VPS13B: variants seen among roughly 807,000 people sequenced by gnomAD.
VPS13B encodes the protein intermembrane lipid transfer protein VPS13B.
VPS13B carries 285 observed loss-of-function variants against 426.4 expected under a neutral mutation model. That is an observed-to-expected ratio of 0.67 (90% confidence interval 0.61 to 0.74). The LOEUF (loss-of-function observed/expected upper bound fraction) is 0.74, where lower values mean the gene tolerates loss of function less well. Ranked by LOEUF, VPS13B falls within the 30% of genes least tolerant of loss-of-function variation. The pLI, the probability that VPS13B is intolerant of heterozygous loss-of-function variation, is 0.00. For missense variants in VPS13B, 4,537 were observed against 4,782.6 expected (o/e 0.95, Z 1.51); for synonymous variants, 1,676 against 1,676.4 (o/e 1.00, Z 0.01).
rs1370249030 is a variant in VPS13B at position 99,812,790 on chromosome 8, A to G, written c.8097+3260A>G. The stretch of plus-strand genomic sequence containing the variant: ...ACATACTTTTAATCATGTTTAAGAT[A>G]TCGTTTTCCAGTGCATCTGGTGCTC... On this transcript the variant is annotated intron_variant, in intron 44 of 61. Transcript: ENST00000357162. Among the ~76,000 whole-genome samples, 25 of 152,236 alleles carry G rather than the reference A, an allele frequency of 1.6e-4. 1 individual carries two copies. Among genetic ancestry groups the G allele is most frequent in the Non-Finnish European group, 3.7e-4 (25 of 68,036 alleles).
intron 16 of VPS13B, among the ~76,000 whole-genome samples, chr8:99,190,920 G>A (rs1340087449): frequency 1.3e-5 from 2 of 150,994 alleles, no homozygotes; most frequent in African/African-American, 2.4e-5. Context: ...TTTCCATCTG[G>A]TATCACATTC....
chr8:99,641,985 C>A lies in VPS13B; in HGVS notation c.5395C>A (p.Arg1799Ser), dbSNP rs751912986. 6.2e-7 allele frequency: 1 copy of A among 1,613,974 alleles called. No individual in the cohort carries two copies. The highest frequency in any genetic ancestry group is 1.7e-5 in the Admixed American group (1 of 59,976). Residue 1799 changes from arginine to serine, a missense_variant, in exon 34 of 62, where the codon CGC becomes AGC. This residue lies in a region of VPS13B where 4,311 missense variants were observed against 4,474.3 expected (regional missense o/e 0.96). Coordinates refer to ENST00000357162, the MANE Select transcript of VPS13B (RefSeq NM_152564.5). ...TCAGCATCGCATTGCCCGTCCCTCACGCCAGTCATCAATTGTAAAAAATCT... is the reference window on the plus strand; with the variant it reads ...TCAGCATCGCATTGCCCGTCCCTCAAGCCAGTCATCAATTGTAAAAAATCT... ...ASQHRIARPS[R>S]QSSIVKNLNF...
intron 54 of VPS13B, among the ~76,000 whole-genome samples, chr8:99,846,360 C>A (rs1050271197): frequency 2.6e-5 from 4 of 152,216 alleles, no homozygotes; most frequent in Non-Finnish European, 5.9e-5. Flanking sequence ...AGGATTGCAT[C>A]TTCTCTGTGC....
At chr8:99,181,131 A>G (rs146167325) in intron 16 of VPS13B, among the ~76,000 whole-genome samples, 1 of 152,312 alleles carries the variant, frequency 6.6e-6, no homozygotes, top group African/African-American at 2.4e-5. Context: ...AAATGTAAAT[A>G]GCAAATAATG....
At chr8:99,487,526 G>A (rs550299992) in intron 25 of VPS13B, among the ~76,000 whole-genome samples, 5 of 152,056 alleles carry the variant, frequency 3.3e-5, no homozygotes, top group South Asian at 2.1e-4. Flanking sequence ...CTCACAGTGC[G>A]TAGCATAACC....
chr8:99,102,897 A>G lies in VPS13B; in HGVS notation c.413-56A>G, dbSNP rs1846834982. The stretch of plus-strand genomic sequence containing the variant: ...ATTAAGTTCAATAACACTTTAAGAA[A>G]TAATTATTTACTGAGAGATTTGTGG... On this transcript the variant is annotated intron_variant, in intron 4 of 61. Transcript: ENST00000357162. 2.1e-6 allele frequency: 3 copies of G among 1,452,932 alleles called. No individual in the cohort carries two copies. In the South Asian group the frequency reaches 3.5e-5, roughly 17 times the overall value. 90.0% of individuals were successfully genotyped at this position (1,452,932 alleles called of 1,614,324 possible).
At chr8:99,068,716 G>A (rs190709920) in intron 3 of VPS13B, among the ~76,000 whole-genome samples, 1 of 152,204 alleles carries the variant, frequency 6.6e-6, no homozygotes, top group African/African-American at 2.4e-5. Flanking sequence ...CAGCAGGGGT[G>A]GGGGGAATGC....
rs183300033 is a variant in VPS13B at position 99,746,315 on chromosome 8, A to C, written c.7051-20459A>C. On this transcript the variant is annotated intron_variant, in intron 39 of 61. Coordinates refer to ENST00000357162, the MANE Select transcript of VPS13B (RefSeq NM_152564.5). ...GATGTCTGCTTATTTCACTTTTAGC[A>C]ATGTTAAAATTGATCAGGTAGTATT... 6.3e-3 allele frequency among the ~76,000 whole-genome samples: 964 copies of C among 152,208 alleles called. 8 individuals carry two copies. The highest frequency in any genetic ancestry group is 0.022 in the African/African-American group (906 of 41,540).
chr8:99,575,570 G>A, intron 31 of VPS13B, 88 bp from the exon 32 acceptor site: 2 of 1,537,794 alleles, frequency 1.3e-6, no homozygotes, highest in Non-Finnish European at 1.8e-6. Flanking sequence ...TGCCATACAT[G>A]TTTGTAGTAC....
chr8:99,403,431 C>T (rs965346089), intron 21 of VPS13B, among the ~76,000 whole-genome samples: 8 of 151,920 alleles, frequency 5.3e-5, no homozygotes, highest in African/African-American at 1.9e-4. Flanking sequence ...TGCCTGTAGT[C>T]CCAGCTAATC....
At chr8:99,354,980 G>A (rs922699291) in intron 19 of VPS13B, among the ~76,000 whole-genome samples, 1 of 152,168 alleles carries the variant, frequency 6.6e-6, no homozygotes, top group Non-Finnish European at 1.5e-5. Context: ...ATGGGAGAAA[G>A]GGAGTTGGAG....
At chr8:99,418,495 CTTTCT>C (rs1816175202) in intron 21 of VPS13B, among the ~76,000 whole-genome samples, 1 of 143,154 alleles carries the variant, frequency 7.0e-6, no homozygotes, top group African/African-American at 2.7e-5. Flanking sequence ...TTCTTTCTTT[CTTTCT>C]TTCTTTCTTT....
intron 33 of VPS13B, among the ~76,000 whole-genome samples, chr8:99,605,945 G>C (rs1487958646): frequency 6.6e-6 from 1 of 152,172 alleles, no homozygotes; most frequent in Non-Finnish European, 1.5e-5. Flanking sequence ...ACCCAGGCTA[G>C]AGTGCAGTGG....
chr8:99,145,028 A>G (rs1053382529), intron 13 of VPS13B, among the ~76,000 whole-genome samples: 4 of 152,180 alleles, frequency 2.6e-5, no homozygotes, highest in Admixed American at 6.5e-5. Context: ...TATGTAGACA[A>G]GTGCAAGAGC....
intron 5 of VPS13B, among the ~76,000 whole-genome samples, chr8:99,109,969 T>G (rs1464953809): frequency 1.3e-5 from 2 of 152,130 alleles, no homozygotes; most frequent in Non-Finnish European, 2.9e-5. Flanking sequence ...TTTTCTCATT[T>G]CTGGTCCTAC....
At chr8:99,138,649 A>G (rs1254361749) in intron 12 of VPS13B, among the ~76,000 whole-genome samples, 1 of 152,250 alleles carries the variant, frequency 6.6e-6, no homozygotes, top group African/African-American at 2.4e-5. Flanking sequence ...TTGGAGGAAA[A>G]GATGAGTTTT....
chr8:99,028,161 CCT>C (rs900179895), intron 2 of VPS13B, among the ~76,000 whole-genome samples: 3 of 152,220 alleles, frequency 2.0e-5, no homozygotes, highest in Non-Finnish European at 4.4e-5. Flanking sequence ...TTTTCCCCAC[CCT>C]TCCCGCCTTT....
At chr8:99,139,132 T>TA (rs1810245727) in intron 12 of VPS13B, among the ~76,000 whole-genome samples, 1 of 152,194 alleles carries the variant, frequency 6.6e-6, no homozygotes, top group African/African-American at 2.4e-5. Context: ...GCAAATAATT[T>TA]AAAACTGAAC....
At chr8:99,504,202 T>C (rs1452066495) in intron 27 of VPS13B, among the ~76,000 whole-genome samples, 2 of 152,176 alleles carry the variant, frequency 1.3e-5, no homozygotes, top group Non-Finnish European at 2.9e-5. Context: ...CTTACTCTCT[T>C]ACCATGTGAC....
Sources: gnomAD v4.1 joint callset for allele counts (sites outside exome capture counted in the v4.1 genomes callset) on GRCh38, gnomAD v4.1.1 for gene constraint, gnomAD v4.1.1 regional missense constraint, MANE v1.5 for transcripts, NCBI Gene and HGNC (gene_info 2026-07-23, HGNC 2026-07-21) for gene names.